Variants in NOVA1 observed in about 807,000 individuals in gnomAD.
NOVA1 encodes the protein NOVA alternative splicing regulator 1, also known as RNA-binding protein Nova-1.
NOVA1 carries 7 observed loss-of-function variants against 38.0 expected under a neutral mutation model. That is an observed-to-expected ratio of 0.18 (90% confidence interval 0.10 to 0.35). NOVA1 has a LOEUF of 0.35. Ranked by LOEUF, NOVA1 falls within the 10% of genes least tolerant of loss-of-function variation. The probability of loss-of-function intolerance (pLI) is 1.00; values close to 1 mark genes in which losing one functional copy is unlikely to be tolerated. For synonymous variants in NOVA1, 270 were observed against 232.5 expected (o/e 1.16, Z -1.47); for missense variants, 460 against 616.0 (o/e 0.75, Z 2.68).
At chr14:26,491,518 C>A (rs922645800) in intron 2 of NOVA1, among the ~76,000 whole-genome samples, 1 of 152,070 alleles carries the variant, frequency 6.6e-6, no homozygotes, top group Non-Finnish European at 1.5e-5. Context: ...AATCCATTCC[C>A]AAATCCAAGG....
chr14:26,469,551 T>C (rs1317004816), intron 4 of NOVA1, among the ~76,000 whole-genome samples: 2 of 152,192 alleles, frequency 1.3e-5, no homozygotes, highest in Non-Finnish European at 2.9e-5. Context: ...AGGTAACTGT[T>C]CTTCATTTCT....
At chr14:26,477,044 T>TAAC (rs1157288307) in intron 3 of NOVA1, among the ~76,000 whole-genome samples, 1 of 152,222 alleles carries the variant, frequency 6.6e-6, no homozygotes, top group Non-Finnish European at 1.5e-5. Flanking sequence ...GCATATTGTT[T>TAAC]ACATTGTAGT....
chr14:26,523,329 A>T (rs878940183), intron 2 of NOVA1, among the ~76,000 whole-genome samples: 1 of 152,238 alleles, frequency 6.6e-6, no homozygotes, highest in Non-Finnish European at 1.5e-5. Flanking sequence ...TAGTGCAGCT[A>T]TAGTGTTACT....
At chr14:26,466,281 T>C (rs1433457676) in intron 4 of NOVA1, among the ~76,000 whole-genome samples, 5 of 152,222 alleles carry the variant, frequency 3.3e-5, no homozygotes, top group Non-Finnish European at 4.4e-5. Context: ...ATTTTTGACA[T>C]GTTGGCTTTT....
chr14:26,572,126 T>C (rs538415107), intron 2 of NOVA1, among the ~76,000 whole-genome samples: 1 of 152,316 alleles, frequency 6.6e-6, no homozygotes, highest in Admixed American at 6.5e-5. Flanking sequence ...TACACCACAA[T>C]ATTATTCTCT....
At chr14:26,527,366 G>A (rs1320049326) in intron 2 of NOVA1, among the ~76,000 whole-genome samples, 1 of 152,032 alleles carries the variant, frequency 6.6e-6, no homozygotes, top group Non-Finnish European at 1.5e-5. Context: ...AGTACCCTTT[G>A]AGGATGAGCA....
chr14:26,457,152 A>C (rs2840225), intron 4 of NOVA1, among the ~76,000 whole-genome samples: 6,272 of 151,816 alleles, frequency 0.041, 189 homozygotes, highest in South Asian at 0.098. Context: ...CAATTGTCCA[A>C]AATTAGGCTG....
chr14:26,525,960 T>C (rs1889266789), intron 2 of NOVA1, among the ~76,000 whole-genome samples: 1 of 152,128 alleles, frequency 6.6e-6, no homozygotes. Flanking sequence ...TAAATAGCTT[T>C]AAGTTATAAG....
Position 26,525,592 on chromosome 14 carries a change from T to C in NOVA1, c.281-45449A>G, listed in dbSNP as rs190012355. ...ATCATATTCACCCATTTATAATAGG[T>C]CCACATTCTCACCTTCCTCAAAACA... is the stretch of plus-strand genomic sequence containing the variant. On this transcript the variant is annotated intron_variant, in intron 2 of 4. Coordinates refer to ENST00000539517, the MANE Select transcript of NOVA1 (RefSeq NM_002515.3). Among the ~76,000 whole-genome samples the C allele has an allele frequency of 2.6e-5, 4 of 152,274 alleles. No individual in the cohort carries two copies. The East Asian group carries it at 7.7e-4, about 29-fold the overall frequency.
At position 26,595,489 on chromosome 14, in the gene NOVA1, C is replaced by T; in HGVS notation, c.201G>A (p.Lys67=). 6.2e-7 allele frequency: 1 copy of T among 1,613,858 alleles called. No individual in the cohort carries two copies. ...GCAACTGAACAATTGTCTGTCCTCC[C>T]TTCCCAATTATAGATCCAGCAGCAT... is the stretch of plus-strand genomic sequence containing the variant. ...PSYAAGSIIG[K]GGQTIVQLQK... The change falls in exon 2 of 5, where the codon AAG becomes AAA. Residue 67 remains lysine, a synonymous_variant. Transcript: ENST00000539517.
chr14:26,590,159 C>T (rs991937103), intron 2 of NOVA1, among the ~76,000 whole-genome samples: 1 of 151,918 alleles, frequency 6.6e-6, no homozygotes, highest in African/African-American at 2.4e-5. Context: ...TTAAAACAAA[C>T]TAACCTCTTT....
chr14:26,462,866 A>G (rs1883801180), intron 4 of NOVA1, among the ~76,000 whole-genome samples: 1 of 152,152 alleles, frequency 6.6e-6, no homozygotes, highest in African/African-American at 2.4e-5. Flanking sequence ...CAACTGAAAT[A>G]AGGATTTGTT....
At chr14:26,586,452 A>G (rs1893518464) in intron 2 of NOVA1, among the ~76,000 whole-genome samples, 1 of 151,284 alleles carries the variant, frequency 6.6e-6, no homozygotes, top group Admixed American at 6.6e-5. Flanking sequence ...CTGTTGAACC[A>G]AATGTTATGA....
At chr14:26,474,903 C>T (rs907743983) in intron 3 of NOVA1, among the ~76,000 whole-genome samples, 3 of 151,576 alleles carry the variant, frequency 2.0e-5, no homozygotes, top group African/African-American at 7.3e-5. Context: ...CAAAAAGACC[C>T]CTGCTTTATA....
chr14:26,491,640 G>A (rs1886358689), intron 2 of NOVA1, among the ~76,000 whole-genome samples: 1 of 151,972 alleles, frequency 6.6e-6, no homozygotes, highest in African/African-American at 2.4e-5. Context: ...GATATGAGGA[G>A]GGTTCTAACT....
rs1882201089 is a variant in NOVA1, at chr14:26,447,801, A to G, written c.*158T>C. On this transcript the variant is annotated 3_prime_UTR_variant, in exon 5 of 5. Coordinates refer to ENST00000539517, the MANE Select transcript of NOVA1 (RefSeq NM_002515.3). ...CTTTCTATGAAACATCTGGTAAAAC[A>G]CATATTATTTACATATACACATTGT... The G allele has an allele frequency of 1.6e-6, 1 of 633,344 alleles. No individual in the cohort carries two copies. The highest frequency in any genetic ancestry group is 1.8e-5 in the African/African-American group (1 of 54,422). 39.2% of individuals were successfully genotyped at this position (633,344 alleles called of 1,614,324 possible).
rs1314882907 is a variant in NOVA1 at position 26,458,368 on chromosome 14, C to A, written c.520-9405G>T. Among the ~76,000 whole-genome samples the A allele has an allele frequency of 2.0e-5, 3 of 152,186 alleles. No individual in the cohort carries two copies. In the East Asian group the frequency reaches 5.8e-4, roughly 29 times the overall value. On this transcript the variant is annotated intron_variant, in intron 4 of 4. Coordinates refer to ENST00000539517, the MANE Select transcript of NOVA1 (RefSeq NM_002515.3). ...AAAATAAATCACTTTACATAAAAGA[C>A]ACATGTACTAGTATGTTCATCACAA...
rs1346587783 is a variant in NOVA1, at chr14:26,598,011, G to A, written c.-575C>T. ...CGCTCCCGCTGCTGGTGCTGCCGCC[G>A]CCGCCGCTGCCGGAGCGGTTCTGCC... On this transcript the variant is annotated 5_prime_UTR_variant, in exon 1 of 5. Coordinates refer to ENST00000539517, the MANE Select transcript of NOVA1 (RefSeq NM_002515.3). Among the ~76,000 whole-genome samples, 2 of 151,386 alleles carry A rather than the reference G, an allele frequency of 1.3e-5. No individual in the cohort carries two copies. The highest frequency in any genetic ancestry group is 2.1e-4 in the South Asian group (1 of 4,780).
chr14:26,496,956 A>T (rs1043496498), intron 2 of NOVA1, among the ~76,000 whole-genome samples: 1 of 152,162 alleles, frequency 6.6e-6, no homozygotes, highest in Admixed American at 6.5e-5. Context: ...CTTTTGGCTT[A>T]GGATTGACTT....
Sources: allele counts gnomAD v4.1 joint callset (sites outside exome capture counted in the v4.1 genomes callset), GRCh38; gene constraint gnomAD v4.1.1; transcripts MANE v1.5; gene names NCBI Gene and HGNC (gene_info 2026-07-23, HGNC 2026-07-21).